GBE1: variants seen among roughly 807,000 people sequenced by gnomAD.
The protein encoded by GBE1 is 1,4-alpha-glucan-branching enzyme.
GBE1 carries 70 observed loss-of-function variants against 88.8 expected under a neutral mutation model. That is an observed-to-expected ratio of 0.79 (90% CI 0.65 to 0.96). GBE1 has a LOEUF of 0.96. GBE1 is among the 40% of genes least tolerant of loss of function. The pLI is 0.00. For synonymous variants in GBE1, 284 were observed against 300.1 expected (o/e 0.95, Z 0.56); for missense variants, 872 against 871.0 (o/e 1.00, Z -0.01).
At chr3:81,604,299 T>G (rs1034544695) in intron 7 of GBE1, among the ~76,000 whole-genome samples, 9 of 149,610 alleles carry the variant, frequency 6.0e-5, no homozygotes, top group Non-Finnish European at 1.2e-4. Context: ...TTTTTTTTTT[T>G]TTTTTTGAGA....
intron 3 of GBE1, among the ~76,000 whole-genome samples, chr3:81,659,346 T>A (rs368656952): frequency 4.0e-5 from 6 of 151,566 alleles, no homozygotes; most frequent in South Asian, 2.1e-4. Context: ...ATTTTTTTTT[T>A]ATTTTTTTTT....
At chr3:81,626,363 G>A (rs1484680895) in intron 7 of GBE1, among the ~76,000 whole-genome samples, 1 of 152,148 alleles carries the variant, frequency 6.6e-6, no homozygotes, top group Non-Finnish European at 1.5e-5. Flanking sequence ...CAATGAAATA[G>A]CTCCTAAAGG....
intron 7 of GBE1, among the ~76,000 whole-genome samples, chr3:81,604,286 C>T (rs11359427): frequency 0.3 from 16,516 of 54,508 alleles, 1,492 homozygotes; most frequent in East Asian, 0.5. Context: ...TTCTTTCTTT[C>T]TTTTTTTTTT....
At chr3:81,612,754 G>C (rs988828265) in intron 7 of GBE1, 1 of 448,792 alleles carries the variant, frequency 2.2e-6, no homozygotes, top group Non-Finnish European at 4.3e-6. Flanking sequence ...AAGCCTGCAG[G>C]AGCAGATGTC....
Position 81,642,839 on chromosome 3 carries a change from G to A in GBE1, c.934C>T (p.His312Tyr). Residue 312 changes from histidine (H) to tyrosine (Y), a missense_variant, in exon 7 of 16, where the codon CAT (histidine) becomes TAT (tyrosine). Transcript: ENST00000429644. ...MFDGTDSCYFHSGPRGTHDLW... is the reference protein window; with the variant it reads ...MFDGTDSCYFYSGPRGTHDLW... ...TCATGAGTCCCTCTAGGTCCAGAATGAAAATAACAGGAATCTGTCCCATCA... is the reference window on the plus strand; with the variant it reads ...TCATGAGTCCCTCTAGGTCCAGAATAAAAATAACAGGAATCTGTCCCATCA... 1 of 1,613,360 alleles carries A rather than the reference G, an allele frequency of 6.2e-7. No homozygotes were observed.
intron 10 of GBE1, among the ~76,000 whole-genome samples, chr3:81,583,141 C>A (rs1156706189): frequency 6.6e-6 from 1 of 152,040 alleles, no homozygotes; most frequent in Non-Finnish European, 1.5e-5. Flanking sequence ...CATCATAAAC[C>A]ATTTGAAAAA....
intron 3 of GBE1, among the ~76,000 whole-genome samples, chr3:81,652,413 C>T (rs1363217785): frequency 6.6e-6 from 1 of 152,226 alleles, no homozygotes; most frequent in African/African-American, 2.4e-5. Flanking sequence ...TGCTCATTCA[C>T]TGAATAACTT....
At chr3:81,532,993 A>G (rs557919692) in intron 14 of GBE1, among the ~76,000 whole-genome samples, 3 of 152,138 alleles carry the variant, frequency 2.0e-5, no homozygotes, top group Admixed American at 2.0e-4. Context: ...CCCATGGAAC[A>G]TTCTTGCTCC....
At chr3:81,688,139 A>AATAGT (rs1482117319) in intron 2 of GBE1, among the ~76,000 whole-genome samples, 3 of 152,336 alleles carry the variant, frequency 2.0e-5, no homozygotes, top group South Asian at 2.1e-4. Flanking sequence ...AAAGTATGGA[A>AATAGT]ATAGTGTGCT....
chr3:81,667,115 T>C (rs978724954), intron 3 of GBE1, among the ~76,000 whole-genome samples: 23 of 152,226 alleles, frequency 1.5e-4, no homozygotes, highest in African/African-American at 5.5e-4. Context: ...AATTCTCTTA[T>C]TTCCTTGAGC....
At chr3:81,580,625 C>T (rs1703714162) in intron 11 of GBE1, among the ~76,000 whole-genome samples, 1 of 152,066 alleles carries the variant, frequency 6.6e-6, no homozygotes, top group African/African-American at 2.4e-5. Context: ...AGGCTTCGAC[C>T]AGTATATCTG....
intron 14 of GBE1, chr3:81,534,945 T>G (rs552562591): frequency 2.8e-6 from 1 of 358,114 alleles, no homozygotes; most frequent in Non-Finnish European, 5.0e-6. Context: ...CCACAGCTCT[T>G]TCCTTTGATG....
intron 2 of GBE1, among the ~76,000 whole-genome samples, chr3:81,702,162 A>G (rs1278605184): frequency 1.6e-5 from 2 of 122,544 alleles, no homozygotes; most frequent in Non-Finnish European, 3.4e-5. Context: ...TGTGTGTGTT[A>G]AGGCATGGTT....
intron 7 of GBE1, among the ~76,000 whole-genome samples, chr3:81,600,225 C>T (rs1704013523): frequency 6.6e-6 from 1 of 152,056 alleles, no homozygotes; most frequent in Non-Finnish European, 1.5e-5. Flanking sequence ...TGTGCCAATG[C>T]ACTCCAGCCT....
rs1379253954 is a variant in GBE1 at position 81,646,428 on chromosome 3, A to G, written c.746T>C (p.Phe249Ser). The change falls in exon 6 of 16, where the codon TTT (phenylalanine) becomes TCT (serine). Residue 249 changes from phenylalanine (F) to serine (S), a missense_variant. Physicochemically the swap from Phe to Ser is radical, Grantham distance 155. Coordinates refer to ENST00000429644, the MANE Select transcript of GBE1 (RefSeq NM_000158.4). The stretch of plus-strand genomic sequence containing the variant: ...AAAGAAGCTTGTGATTTGGTAACCA[A>G]AGCTGGCATAGTAAGCATGCTCCAT... ...AIMEHAYYAS[F>S]GYQITSFFAA... 6.2e-7 allele frequency: 1 copy of G among 1,608,156 alleles called. No individual in the cohort carries two copies. The highest frequency in any genetic ancestry group is 8.5e-7 in the Non-Finnish European group (1 of 1,177,326).
intron 14 of GBE1, among the ~76,000 whole-genome samples, chr3:81,524,980 G>A (rs746251227): frequency 4.2e-4 from 63 of 151,692 alleles, no homozygotes; most frequent in Non-Finnish European, 6.6e-4. Flanking sequence ...TCTTAATTTC[G>A]TTCTTGACCT....
intron 14 of GBE1, among the ~76,000 whole-genome samples, chr3:81,522,309 C>A (rs1161096379): frequency 1.3e-5 from 2 of 151,514 alleles, no homozygotes; most frequent in Non-Finnish European, 3.0e-5. Context: ...TACTGTTTAT[C>A]TTGTGAAACA....
chr3:81,530,891 G>A (rs889747220), intron 14 of GBE1, among the ~76,000 whole-genome samples: 1 of 151,690 alleles, frequency 6.6e-6, no homozygotes, highest in African/African-American at 2.4e-5. Context: ...GCCAGGCCTG[G>A]GTCCTTCCCT....
At chr3:81,607,557 TAAA>T (rs1238531003) in intron 7 of GBE1, among the ~76,000 whole-genome samples, 1 of 151,912 alleles carries the variant, frequency 6.6e-6, no homozygotes, top group African/African-American at 2.4e-5. Flanking sequence ...CAAAAACAAA[TAAA>T]AACAAAAACA....
Sources: allele counts gnomAD v4.1 joint callset (sites outside exome capture counted in the v4.1 genomes callset), GRCh38; gene constraint gnomAD v4.1.1; transcripts MANE v1.5; gene names NCBI Gene and HGNC (gene_info 2026-07-23, HGNC 2026-07-21).